PCDHGA1: variants seen among roughly 807,000 people sequenced by gnomAD.
PCDHGA1 encodes protocadherin gamma subfamily A, 1.
A neutral mutation model predicts 58.0 loss-of-function variants in PCDHGA1; 32 were observed. That is an observed-to-expected ratio of 0.55 (90% CI 0.42 to 0.74). PCDHGA1 has a LOEUF of 0.74. Among genes scored for constraint, PCDHGA1 ranks in the 30% least tolerant of loss-of-function variants. PCDHGA1 has a pLI of 0.00. For synonymous variants in PCDHGA1, 498 were observed against 501.1 expected (o/e 0.99, Z 0.08); for missense variants, 1,205 against 1,182.3 (o/e 1.02, Z -0.28).
chr5:141,333,268 T>C, intron 1 of PCDHGA1, 163 bp downstream of exon 1: 1 of 995,176 alleles, frequency 1.0e-6, no homozygotes, highest in South Asian at 1.7e-5. Context: ...CACGTTCATA[T>C]GCAGGTATAT....
chr5:141,481,924 A>G (rs1189494301), intron 1 of PCDHGA1, among the ~76,000 whole-genome samples: 1 of 151,648 alleles, frequency 6.6e-6, no homozygotes, highest in Non-Finnish European at 1.5e-5. Context: ...AAAAAAAAAA[A>G]AAAAAAAAAA....
At chr5:141,470,182 G>A (rs540599468) in intron 1 of PCDHGA1, among the ~76,000 whole-genome samples, 1 of 152,262 alleles carries the variant, frequency 6.6e-6, no homozygotes, top group Non-Finnish European at 1.5e-5. Context: ...AAATATTCAA[G>A]TAAACTTCAG....
intron 1 of PCDHGA1, among the ~76,000 whole-genome samples, chr5:141,354,841 T>C (rs1367624307): frequency 6.6e-6 from 1 of 152,242 alleles, no homozygotes; most frequent in Admixed American, 6.5e-5. Context: ...TGGATCATTC[T>C]TGAATTTTCA....
chr5:141,374,090 C>T, intron 1 of PCDHGA1: 1 of 1,535,464 alleles, frequency 6.5e-7, no homozygotes, highest in Non-Finnish European at 8.8e-7. Context: ...AGTAATGGCG[C>T]CTCCGCAGAG....
rs1366118961 is a variant in PCDHGA1 at position 141,375,763 on chromosome 5, C to T, written c.2421+42658C>T. The T allele has an allele frequency of 3.7e-6, 6 of 1,614,124 alleles. No homozygotes were observed. The African/African-American group carries it at 6.7e-5, about 18-fold the overall frequency. On this transcript the variant is annotated intron_variant, in intron 1 of 3. Transcript: ENST00000517417. ...TGCTGGACCAGAATGACAATGCGCC[C>T]GAGATCCTGTACCCCGCCCTCCCCA...
At position 141,455,034 on chromosome 5, in the gene PCDHGA1, G is replaced by T. The variant is rs112590950; in HGVS notation, c.2422-39773G>T. 8.3e-3 allele frequency among the ~76,000 whole-genome samples: 1,254 copies of T among 150,894 alleles called. 18 individuals are homozygous for T. Among genetic ancestry groups the T allele is most frequent in the African/African-American group, 0.029 (1,191 of 41,122 alleles). ...TCACCGTGTTAGCCAGGATGGTCTC[G>T]ATCTCCTGACCTCGTGATCCGCCCG... On this transcript the variant is annotated intron_variant, in intron 1 of 3. Coordinates refer to ENST00000517417, the MANE Select transcript of PCDHGA1 (RefSeq NM_018912.3).
At position 141,339,236 on chromosome 5, in the gene PCDHGA1, A is replaced by G. The variant is rs984287557; in HGVS notation, c.2421+6131A>G. ...AAGCGGCAGCTTGGTCACTGCGAACAGGATAGACCGGGAGGAGCTCTGCGC... is the reference window on the plus strand; with the variant it reads ...AAGCGGCAGCTTGGTCACTGCGAACGGGATAGACCGGGAGGAGCTCTGCGC... On this transcript the variant is annotated intron_variant, in intron 1 of 3. Coordinates refer to ENST00000517417, the MANE Select transcript of PCDHGA1 (RefSeq NM_018912.3). 4 of 1,614,150 alleles carry G rather than the reference A, an allele frequency of 2.5e-6. No individual in the cohort carries two copies. In the East Asian group the frequency reaches 6.7e-5, roughly 27 times the overall value.
chr5:141,385,264 G>T (rs879420336), intron 1 of PCDHGA1: 21 of 1,613,712 alleles, frequency 1.3e-5, no homozygotes, highest in Non-Finnish European at 1.6e-5. Flanking sequence ...TGAGAAAAAT[G>T]ATTCTTTGCT....
intron 1 of PCDHGA1, chr5:141,418,610 C>T: frequency 6.2e-7 from 1 of 1,614,054 alleles, no homozygotes; most frequent in Non-Finnish European, 8.5e-7. Context: ...CAGGGTTAGC[C>T]TTCGGGAAGA....
rs141959335 is a variant in PCDHGA1, at chr5:141,491,261, T to C, written c.2422-3546T>C. On this transcript the variant is annotated intron_variant, in intron 1 of 3. Transcript: ENST00000517417. This position sits in a 1 kb window ranked among gnomAD's most constrained non-coding sequence, Gnocchi z 6.9. Reference sequence around the variant, plus strand: ...CTGGAGGATGAGGACCCTGAGGAAATGCCCAAATCCAGTGACTTCCTCATA... The same window carrying C: ...CTGGAGGATGAGGACCCTGAGGAAACGCCCAAATCCAGTGACTTCCTCATA... 104 of 1,614,044 alleles carry C rather than the reference T, an allele frequency of 6.4e-5. No individual in the cohort carries two copies. Among genetic ancestry groups the C allele is most frequent in the Non-Finnish European group, 8.1e-5 (95 of 1,180,028 alleles).
intron 1 of PCDHGA1, chr5:141,340,616 A>C (rs146288793): frequency 1.2e-6 from 2 of 1,614,044 alleles, no homozygotes; most frequent in African/African-American, 2.7e-5. Flanking sequence ...TGTATCATTA[A>C]GCCTGTTCGT....
At chr5:141,359,102 AT>A (rs572394227) in intron 1 of PCDHGA1, among the ~76,000 whole-genome samples, 16 of 152,350 alleles carry the variant, frequency 1.1e-4, no homozygotes, top group African/African-American at 3.6e-4. Flanking sequence ...ATGGTTTTGT[AT>A]TCATAGAAAG....
At position 141,467,151 on chromosome 5, in the gene PCDHGA1, C is replaced by T. The variant is rs527879624; in HGVS notation, c.2422-27656C>T. ...CACTGCAACCTCTGCCTCCCAGGTT[C>T]AAGTGATTCTCATCTCTCAGCCTCC... is the stretch of plus-strand genomic sequence containing the variant. On this transcript the variant is annotated intron_variant, in intron 1 of 3. Transcript: ENST00000517417. Among the ~76,000 whole-genome samples the T allele has an allele frequency of 4.0e-5, 6 of 151,660 alleles. No homozygotes were observed. In the East Asian group the frequency reaches 7.8e-4, roughly 20 times the overall value.
chr5:141,399,751 G>C, intron 1 of PCDHGA1: 1 of 1,613,322 alleles, frequency 6.2e-7, no homozygotes, highest in South Asian at 1.1e-5. Context: ...CAGCGCAAAC[G>C]TGAGCCTGCG....
At chr5:141,398,521 A>C in intron 1 of PCDHGA1, 1 of 1,613,690 alleles carries the variant, frequency 6.2e-7, no homozygotes, top group Non-Finnish European at 8.5e-7. Context: ...CCACACGCCA[A>C]AATTCACGCA....
Position 141,385,046 on chromosome 5 carries a change from T to C in PCDHGA1, c.2421+51941T>C, listed in dbSNP as rs777247092. 1.9e-6 allele frequency: 3 copies of C among 1,614,038 alleles called. No homozygotes were observed. The Admixed American group carries it at 5.0e-5, about 27-fold the overall frequency. Reference sequence around the variant, plus strand: ...GTCCTCGTACTGCTGGCGCTCAGGCTGCGGCGCTGGCACAAGTCACGCCTG... The same window carrying C: ...GTCCTCGTACTGCTGGCGCTCAGGCCGCGGCGCTGGCACAAGTCACGCCTG... On this transcript the variant is annotated intron_variant, in intron 1 of 3. Coordinates refer to ENST00000517417, the MANE Select transcript of PCDHGA1 (RefSeq NM_018912.3).
chr5:141,418,998 G>A (rs757681244), intron 1 of PCDHGA1: 4 of 1,613,940 alleles, frequency 2.5e-6, no homozygotes, highest in South Asian at 2.2e-5. Context: ...GGGGAAAATG[G>A]GGAAGTCAGG....
intron 1 of PCDHGA1, among the ~76,000 whole-genome samples, chr5:141,472,445 C>T (rs2099280467): frequency 6.6e-6 from 1 of 151,956 alleles, no homozygotes; most frequent in Non-Finnish European, 1.5e-5. Flanking sequence ...GAGGCTGAGG[C>T]AGGAGAATCG....
chr5:141,349,113 C>G (rs1195876459), intron 1 of PCDHGA1, among the ~76,000 whole-genome samples: 3 of 152,192 alleles, frequency 2.0e-5, no homozygotes, highest in Non-Finnish European at 4.4e-5. Context: ...CTCTGTCACC[C>G]AGGATGGACT....
Sources: allele counts gnomAD v4.1 joint callset (sites outside exome capture counted in the v4.1 genomes callset), GRCh38; gene constraint gnomAD v4.1.1; non-coding constraint Gnocchi (gnomAD v3.1); transcripts MANE v1.5; gene names NCBI Gene and HGNC (gene_info 2026-07-23, HGNC 2026-07-21).